Variants in PHF24 observed in about 807,000 individuals in gnomAD.
PHF24 encodes Galpha inhibitory interacting protein.
PHF24 carries 25 observed loss-of-function variants against 42.6 expected under a neutral mutation model. The observed-to-expected ratio is 0.59, with a 90% CI of 0.43 to 0.82. The LOEUF (loss-of-function observed/expected upper bound fraction) is 0.82, where lower values mean the gene tolerates loss of function less well. Ranked by LOEUF, PHF24 falls within the 40% of genes least tolerant of loss-of-function variation. The probability of loss-of-function intolerance (pLI) is 0.00; values close to 1 mark genes in which losing one functional copy is unlikely to be tolerated. For missense variants in PHF24, 470 were observed against 538.1 expected, an observed-to-expected ratio of 0.87 and a Z score of 1.25; for synonymous variants, 185 against 204.8, an observed-to-expected ratio of 0.90 and a Z score of 0.83.
the PHF24 span, among the ~76,000 whole-genome samples, chr9:34,854,091 G>A: frequency 2.5e-4 from 38 of 151,636 alleles, no homozygotes; most frequent in African/African-American, 8.5e-4. Flanking sequence ...TTCTCTGATG[G>A]TTGTTTGTAT....
At chr9:34,779,720 ATTGTT>A in the PHF24 span, among the ~76,000 whole-genome samples, 4 of 152,222 alleles carry the variant, frequency 2.6e-5, no homozygotes, top group Admixed American at 1.3e-4. Flanking sequence ...TATATGGTCA[ATTGTT>A]TTGTTTTGTT....
intron 1 of PHF24, among the ~76,000 whole-genome samples, chr9:34,960,391 T>C (rs542504346): frequency 6.6e-6 from 1 of 152,296 alleles, no homozygotes; most frequent in South Asian, 2.1e-4. Context: ...TTTTTTTTCT[T>C]TTAACTCAGT....
the PHF24 span, among the ~76,000 whole-genome samples, chr9:34,824,229 G>A: frequency 1.3e-5 from 2 of 152,208 alleles, no homozygotes; most frequent in Non-Finnish European, 2.9e-5. Context: ...ATCCGACAAG[G>A]GTCACAGAGT....
At chr9:34,857,624 G>A in the PHF24 span, among the ~76,000 whole-genome samples, 4 of 152,128 alleles carry the variant, frequency 2.6e-5, no homozygotes, top group African/African-American at 9.7e-5. Flanking sequence ...GGGTTGAGCC[G>A]CCTGCCTAGT....
the PHF24 span, among the ~76,000 whole-genome samples, chr9:34,915,702 T>C: frequency 2.0e-5 from 3 of 152,164 alleles, no homozygotes; most frequent in Admixed American, 6.5e-5. Flanking sequence ...CTAGGAACCA[T>C]GGAGGTGGAA....
At chr9:34,666,986 CT>C in the PHF24 span, among the ~76,000 whole-genome samples, 191 of 152,298 alleles carry the variant, frequency 1.3e-3, no homozygotes, top group African/African-American at 4.4e-3. Context: ...AGACAGGCAC[CT>C]TGTCTGCCCT....
At chr9:34,918,405 C>CT in the PHF24 span, 1 of 426,246 alleles carries the variant, frequency 2.3e-6, no homozygotes, top group Non-Finnish European at 4.2e-6. Context: ...ATACCAAGGT[C>CT]TTTAAAAAAA....
chr9:34,749,930 C>T, the PHF24 span, among the ~76,000 whole-genome samples: 1 of 152,014 alleles, frequency 6.6e-6, no homozygotes, highest in Non-Finnish European at 1.5e-5. Context: ...AATAATATGA[C>T]ATATTTGAAG....
the PHF24 span, among the ~76,000 whole-genome samples, chr9:34,775,744 CTAGA>C: frequency 2.0e-5 from 3 of 152,114 alleles, no homozygotes; most frequent in African/African-American, 7.2e-5. Flanking sequence ...AATTCCATTC[CTAGA>C]TATTCGCCCA....
chr9:34,943,220 C>T, the PHF24 span, among the ~76,000 whole-genome samples: 231 of 152,144 alleles, frequency 1.5e-3, no homozygotes, highest in African/African-American at 5.3e-3. Context: ...TCTCTGAGTC[C>T]GCTTGCTAGG....
the PHF24 span, among the ~76,000 whole-genome samples, chr9:34,882,280 G>A: frequency 6.6e-6 from 1 of 152,172 alleles, no homozygotes; most frequent in African/African-American, 2.4e-5. Context: ...AAAACTGGAA[G>A]CATTCCCTTT....
the PHF24 span, among the ~76,000 whole-genome samples, chr9:34,786,400 T>A: frequency 1.3e-5 from 2 of 152,170 alleles, no homozygotes; most frequent in African/African-American, 4.8e-5. Flanking sequence ...CCCCCAACTA[T>A]ATCCCCTCTT....
chr9:34,848,278 G>A, the PHF24 span, among the ~76,000 whole-genome samples: 3 of 151,874 alleles, frequency 2.0e-5, no homozygotes, highest in East Asian at 5.8e-4. Context: ...CAATTTCAGA[G>A]CCTGTTATTG....
the PHF24 span, among the ~76,000 whole-genome samples, chr9:34,770,159 A>G: frequency 6.6e-6 from 1 of 152,222 alleles, no homozygotes; most frequent in Non-Finnish European, 1.5e-5. Flanking sequence ...TGCAAACCTT[A>G]TTAGACAAAA....
chr9:34,936,338 C>T, the PHF24 span, among the ~76,000 whole-genome samples: 1 of 152,206 alleles, frequency 6.6e-6, no homozygotes, highest in East Asian at 1.9e-4. Flanking sequence ...CCGGAGGTGC[C>T]GGGATTGCAG....
the PHF24 span, among the ~76,000 whole-genome samples, chr9:34,792,707 G>A: frequency 5.9e-5 from 9 of 151,874 alleles, no homozygotes; most frequent in African/African-American, 1.9e-4. Flanking sequence ...TGACTTGCAA[G>A]CCACACTTTT....
the PHF24 span, among the ~76,000 whole-genome samples, chr9:34,730,861 T>C: frequency 6.6e-6 from 1 of 152,186 alleles, no homozygotes; most frequent in African/African-American, 2.4e-5. Context: ...TGGAGTTCAT[T>C]TGGCAATAAC....
the PHF24 span, chr9:34,728,035 A>T: frequency 6.4e-7 from 1 of 1,552,178 alleles, no homozygotes. Context: ...TTAATGATGG[A>T]GAGCAGCTTC....
At chr9:34,832,846 T>G in the PHF24 span, 2 of 1,551,656 alleles carry the variant, frequency 1.3e-6, no homozygotes, top group Non-Finnish European at 1.7e-6. Context: ...CAGGAATTGT[T>G]GCTGGTTCAA....
Sources: allele counts gnomAD v4.1 joint callset (sites outside exome capture counted in the v4.1 genomes callset), GRCh38; gene constraint gnomAD v4.1.1; transcripts MANE v1.5; gene names NCBI Gene and HGNC (gene_info 2026-07-23, HGNC 2026-07-21).